ZC3HAV1L: variants seen among roughly 807,000 people sequenced by gnomAD.
ZC3HAV1L encodes the protein ZC3HAV1 like, also known as zinc finger CCCH-type antiviral protein 1-like.
In ZC3HAV1L, 23 loss-of-function variants were observed where a neutral mutation model predicts 28.2. The observed-to-expected ratio is 0.82, with a 90% CI of 0.59 to 1.16. The LOEUF (loss-of-function observed/expected upper bound fraction) is 1.16. Ranked by LOEUF, ZC3HAV1L falls within the 50% of genes most tolerant of loss-of-function variation. ZC3HAV1L has a pLI of 0.00. For synonymous variants in ZC3HAV1L, 180 were observed against 163.4 expected (o/e 1.10, Z -0.78); for missense variants, 376 against 387.7 (o/e 0.97, Z 0.25).
chr7:139,029,333 CA>C (rs1815456725), intron 2 of ZC3HAV1L, among the ~76,000 whole-genome samples: 2 of 152,042 alleles, frequency 1.3e-5, no homozygotes, highest in Admixed American at 1.3e-4. Context: ...TCTTTTAAGC[CA>C]AAAGACTATA....
chr7:139,026,283 A>C lies in ZC3HAV1L; in HGVS notation c.*261T>G. 1 of 475,332 alleles carries C rather than the reference A, an allele frequency of 2.1e-6. No individual in the cohort carries two copies. The highest frequency in any genetic ancestry group is 4.4e-5 in the South Asian group (1 of 22,552). 29.4% of individuals were successfully genotyped at this position (475,332 alleles called of 1,614,324 possible). On this transcript the variant is annotated 3_prime_UTR_variant, in exon 5 of 5. Coordinates refer to ENST00000275766, the MANE Select transcript of ZC3HAV1L (RefSeq NM_080660.4). The stretch of plus-strand genomic sequence containing the variant: ...AAGTGAAAAAAAAAAATGAGTGCAA[A>C]GTACTCTAGGATTGCCACAATATAA...
At chr7:139,025,477 G>C (rs906574250), downstream of ZC3HAV1L, among the ~76,000 whole-genome samples, 1 of 151,324 alleles carries the variant, frequency 6.6e-6, no homozygotes, top group Non-Finnish European at 1.5e-5. Flanking sequence ...TAGACAGAGT[G>C]AGGTAGAAGT....
chr7:139,033,700 A>T, intron 2 of ZC3HAV1L: 1 of 984,848 alleles, frequency 1.0e-6, no homozygotes, highest in Non-Finnish European at 1.2e-6. Context: ...CATACCAAAA[A>T]AACATTCGAT....
intron 2 of ZC3HAV1L, among the ~76,000 whole-genome samples, chr7:139,031,676 G>A (rs976462812): frequency 6.6e-6 from 1 of 152,160 alleles, no homozygotes; most frequent in Non-Finnish European, 1.5e-5. Context: ...AGGCCAAGGT[G>A]GGCGGATCAC....
chr7:139,026,655 CT>C, intron 4 of ZC3HAV1L, 52 bp downstream of exon 4: 3 of 1,612,404 alleles, frequency 1.9e-6, no homozygotes, highest in Middle Eastern at 1.7e-4. Flanking sequence ...GTTTTCAGAT[CT>C]TCCAAGCTGG....
chr7:139,029,553 T>A (rs1461065424), intron 2 of ZC3HAV1L, among the ~76,000 whole-genome samples: 2 of 152,162 alleles, frequency 1.3e-5, no homozygotes, highest in African/African-American at 4.8e-5. Flanking sequence ...AGCCAATGAA[T>A]GACTTAGATA....
intron 2 of ZC3HAV1L, among the ~76,000 whole-genome samples, chr7:139,030,133 G>A (rs982715084): frequency 6.6e-6 from 1 of 152,076 alleles, no homozygotes; most frequent in Non-Finnish European, 1.5e-5. Flanking sequence ...TGCTGCACAC[G>A]TAAAAAAACT....
At chr7:139,025,622 A>T (rs941149854), downstream of ZC3HAV1L, 5 of 152,054 alleles carry the variant, frequency 3.3e-5, no homozygotes, top group African/African-American at 9.7e-5. Context: ...AGGCTGTCCC[A>T]CATCAGCATA....
At chr7:139,021,721 C>T (rs1815251146), downstream of ZC3HAV1L, among the ~76,000 whole-genome samples, 1 of 151,878 alleles carries the variant, frequency 6.6e-6, no homozygotes, top group Admixed American at 6.6e-5. Context: ...CTTTTAGCTT[C>T]CAACAAACAA....
At chr7:139,035,347 T>C in intron 1 of ZC3HAV1L, 4 of 984,370 alleles carry the variant, frequency 4.1e-6, no homozygotes, top group Non-Finnish European at 4.8e-6. Context: ...ATAAGTGAGC[T>C]CCGAAGTCCC....
chr7:139,028,519 G>A (rs1815423885), intron 3 of ZC3HAV1L, among the ~76,000 whole-genome samples, 183 bp downstream of exon 3: 1 of 152,064 alleles, frequency 6.6e-6, no homozygotes, highest in Non-Finnish European at 1.5e-5. Context: ...CCTTTGGTTA[G>A]GATCACCGTT....
In ZC3HAV1L at chr7:139,026,800, C is replaced by T. The variant is rs146509982; in HGVS notation, c.794G>A (p.Gly265Asp). Residue 265 changes from glycine to aspartate, a missense_variant, in exon 4 of 5, where the codon GGC becomes GAC. Transcript: ENST00000275766. Reference sequence around the variant, plus strand: ...TGCGTGCACTCCTTGCTTCTCAAGGCCTTGTGAATGCTCAGTCGAAGGTGA... The same window carrying T: ...TGCGTGCACTCCTTGCTTCTCAAGGTCTTGTGAATGCTCAGTCGAAGGTGA... Reference protein sequence around the residue: ...NSSPSTEHSQGLEKQGVHAAG... With the variant: ...NSSPSTEHSQDLEKQGVHAAG... The T allele has an allele frequency of 9.3e-6, 15 of 1,613,990 alleles. No homozygotes were observed. The Admixed American group carries it at 1.2e-4, about 13-fold the overall frequency.
Position 139,026,395 on chromosome 7 carries a change from C to G in ZC3HAV1L, c.*149G>C. 7.8e-7 allele frequency: 1 copy of G among 1,274,696 alleles called. No individual in the cohort carries two copies. The highest frequency in any genetic ancestry group is 1.1e-6 in the Non-Finnish European group (1 of 946,214). 79.0% of individuals were successfully genotyped at this position (1,274,696 alleles called of 1,614,324 possible). A position where few individuals can be genotyped will look rare whatever the true frequency, so the allele number is the denominator to read the frequency against. On this transcript the variant is annotated 3_prime_UTR_variant, in exon 5 of 5. Coordinates refer to ENST00000275766, the MANE Select transcript of ZC3HAV1L (RefSeq NM_080660.4). Reference sequence around the variant, plus strand: ...GAAAGCACCTAGGAGCTGCAGATAGCAGCTGCCATCTTCAGCACTTGCCCT... The same window carrying G: ...GAAAGCACCTAGGAGCTGCAGATAGGAGCTGCCATCTTCAGCACTTGCCCT...
At chr7:139,021,806 G>A (rs978601753), downstream of ZC3HAV1L, among the ~76,000 whole-genome samples, 12 of 151,378 alleles carry the variant, frequency 7.9e-5, no homozygotes, top group Non-Finnish European at 1.6e-4. Flanking sequence ...CATATGTAAT[G>A]AAAAAATATC....
Position 139,026,262 on chromosome 7 carries a change from G to GAAAA in ZC3HAV1L, c.*278_*281dup. 5.4e-6 allele frequency: 2 copies of GAAAA among 373,326 alleles called. No homozygotes were observed. Among genetic ancestry groups the GAAAA allele is most frequent in the East Asian group, 4.4e-5 (1 of 22,472 alleles). 23.1% of individuals were successfully genotyped at this position (373,326 alleles called of 1,614,324 possible). ...AGATGCTTATGAGACAATATTAAGT[G>GAAAA]AAAAAAAAAAATGAGTGCAAAGTAC... On this transcript the variant is annotated 3_prime_UTR_variant, in exon 5 of 5. Coordinates refer to ENST00000275766, the MANE Select transcript of ZC3HAV1L (RefSeq NM_080660.4).
chr7:139,035,303 C>T (rs375914209), intron 1 of ZC3HAV1L: 3 of 985,286 alleles, frequency 3.0e-6, no homozygotes, highest in Admixed American at 6.2e-5. Context: ...CTCAGACGCC[C>T]CACGCCCCCC....
At chr7:139,033,212 C>G (rs1354915303) in intron 2 of ZC3HAV1L, among the ~76,000 whole-genome samples, 1 of 102,680 alleles carries the variant, frequency 9.7e-6, no homozygotes, top group African/African-American at 3.6e-5. Flanking sequence ...AAAAAAAAAA[C>G]TATATAAGTC....
rs6973342 is a variant in ZC3HAV1L, at chr7:139,029,875, A to G, written c.502-915T>C. 4.5e-3 allele frequency among the ~76,000 whole-genome samples: 680 copies of G among 152,284 alleles called. 2 individuals are homozygous for G. The highest frequency in any genetic ancestry group is 0.016 in the African/African-American group (652 of 41,560). On this transcript the variant is annotated intron_variant, in intron 2 of 4. Coordinates refer to ENST00000275766, the MANE Select transcript of ZC3HAV1L (RefSeq NM_080660.4). ...GAGCACTATTAATAATCACACTGGG[A>G]CAACTAATATAAACTGGGTCTATCC...
downstream of ZC3HAV1L, among the ~76,000 whole-genome samples, chr7:139,021,732 G>A (rs1411662126): frequency 2.0e-5 from 3 of 151,868 alleles, no homozygotes; most frequent in African/African-American, 7.2e-5. Context: ...CAACAAACAA[G>A]AATAGAAGAT....
Sources: gnomAD v4.1 joint callset for allele counts (sites outside exome capture counted in the v4.1 genomes callset) on GRCh38, gnomAD v4.1.1 for gene constraint, MANE v1.5 for transcripts, NCBI Gene and HGNC (gene_info 2026-07-23, HGNC 2026-07-21) for gene names.